TNFAIP8: variants seen among roughly 807,000 people sequenced by gnomAD.
TNFAIP8 encodes TNF alpha induced protein 8.
In TNFAIP8, 7 loss-of-function variants were observed where a neutral mutation model predicts 13.3. That is an observed-to-expected ratio of 0.52 (90% CI 0.30 to 0.99). The LOEUF (loss-of-function observed/expected upper bound fraction) is 0.99, where lower values mean the gene tolerates loss of function less well. Ranked by LOEUF, TNFAIP8 falls within the 50% of genes least tolerant of loss-of-function variation. The pLI, the probability that TNFAIP8 is intolerant of heterozygous loss-of-function variation, is 0.07. For missense variants in TNFAIP8, 258 were observed against 236.9 expected (o/e 1.09, Z -0.58); for synonymous variants, 94 against 87.6 (o/e 1.07, Z -0.41).
At position 119,373,126 on chromosome 5, in the gene TNFAIP8, C is replaced by G. The variant is rs1752150231; in HGVS notation, c.31+17005C>G. Among the ~76,000 whole-genome samples, 2 of 152,100 alleles carry G rather than the reference C, an allele frequency of 1.3e-5. 1 individual carries two copies. Among genetic ancestry groups the G allele is most frequent in the South Asian group, 4.1e-4 (2 of 4,826 alleles). The stretch of plus-strand genomic sequence containing the variant: ...TACAGAAGACACTCAGTCCCTTCAT[C>G]CACCCCAGACACAAAGCTTAATAAC... On this transcript the variant is annotated intron_variant, in intron 1 of 1. Transcript: ENST00000504771.
intron 1 of TNFAIP8, chr5:119,306,724 G>T (rs957499203): frequency 2.6e-5 from 4 of 152,148 alleles, no homozygotes; most frequent in African/African-American, 9.7e-5. Flanking sequence ...CTGTCCCAGT[G>T]ATTATCCAAG....
intron 1 of TNFAIP8, among the ~76,000 whole-genome samples, chr5:119,293,592 A>T (rs1444362673): frequency 6.6e-6 from 1 of 152,166 alleles, no homozygotes; most frequent in East Asian, 1.9e-4. Flanking sequence ...TTTATTCCGG[A>T]TGAGGAAATG....
Position 119,394,261 on chromosome 5 carries a change from A to G in TNFAIP8, c.*880A>G, listed in dbSNP as rs183181844. The G allele has an allele frequency of 6.6e-6, 1 of 152,366 alleles. No homozygotes were observed. Among genetic ancestry groups the G allele is most frequent in the East Asian group, 1.9e-4 (1 of 5,190 alleles). The allele number at this position is 152,366 out of a possible 1,614,324, so 9.4% of individuals were successfully genotyped here. The stretch of plus-strand genomic sequence containing the variant: ...CAATCTTCATTCTACAGATGAACTC[A>G]TTGAAACAATTTAGGGGAATGAGGG... On this transcript the variant is annotated 3_prime_UTR_variant, in exon 2 of 2. Transcript: ENST00000504771.
At chr5:119,338,579 T>A (rs908267659) in intron 1 of TNFAIP8, among the ~76,000 whole-genome samples, 3 of 152,226 alleles carry the variant, frequency 2.0e-5, no homozygotes, top group African/African-American at 7.2e-5. Context: ...GGCAAAAGCA[T>A]TGATCAGTTG....
intron 1 of TNFAIP8, among the ~76,000 whole-genome samples, chr5:119,275,456 G>A (rs578218860): frequency 1.3e-5 from 2 of 152,138 alleles, no homozygotes; most frequent in African/African-American, 2.4e-5. Flanking sequence ...CGCATGTTTG[G>A]AAGAGCACGG....
intron 1 of TNFAIP8, among the ~76,000 whole-genome samples, chr5:119,369,036 C>CTTTCT (rs757688779): frequency 1.0e-4 from 15 of 148,778 alleles, no homozygotes; most frequent in Admixed American, 1.3e-4. Flanking sequence ...ATAAGCCAAA[C>CTTTCT]TTTCTTTTCT....
intron 1 of TNFAIP8, among the ~76,000 whole-genome samples, chr5:119,377,024 G>T (rs1015878479): frequency 1.3e-5 from 2 of 152,078 alleles, no homozygotes; most frequent in Non-Finnish European, 2.9e-5. Context: ...TTGTTTGTTT[G>T]TTTATATATT....
intron 1 of TNFAIP8, among the ~76,000 whole-genome samples, chr5:119,336,678 T>G (rs944582058): frequency 6.6e-6 from 1 of 152,204 alleles, no homozygotes; most frequent in African/African-American, 2.4e-5. Flanking sequence ...TATTTCTTAT[T>G]TGCATTCATT....
chr5:119,290,811 T>G (rs979946092), intron 1 of TNFAIP8, among the ~76,000 whole-genome samples: 7 of 152,046 alleles, frequency 4.6e-5, no homozygotes, highest in African/African-American at 9.7e-5. Flanking sequence ...TTGGCTGAGA[T>G]AGGGCATCAG....
intron 1 of TNFAIP8, among the ~76,000 whole-genome samples, chr5:119,290,458 A>G (rs1748945166): frequency 6.6e-6 from 1 of 152,172 alleles, no homozygotes; most frequent in African/African-American, 2.4e-5. Flanking sequence ...ACCTCTTCAC[A>G]GGTTTATTGG....
chr5:119,328,235 A>C (rs924683945), intron 1 of TNFAIP8, among the ~76,000 whole-genome samples: 1 of 152,104 alleles, frequency 6.6e-6, no homozygotes, highest in Non-Finnish European at 1.5e-5. Flanking sequence ...CTGACCCTCA[A>C]CCCTTGCCCT....
At chr5:119,362,341 G>C (rs1259989277) in intron 1 of TNFAIP8, among the ~76,000 whole-genome samples, 1 of 152,152 alleles carries the variant, frequency 6.6e-6, no homozygotes, top group Admixed American at 6.5e-5. Flanking sequence ...GTGGTACATG[G>C]GGCCAGTCTA....
chr5:119,297,992 A>G (rs1272134880), intron 1 of TNFAIP8, among the ~76,000 whole-genome samples: 2,014 of 152,234 alleles, frequency 0.013, 45 homozygotes, highest in African/African-American at 0.047. Context: ...TTTTGAGCCT[A>G]TGTGTGTCTC....
intron 1 of TNFAIP8, among the ~76,000 whole-genome samples, chr5:119,324,274 C>CAAAAAAAAAAA (rs56104829): frequency 2.2e-4 from 17 of 77,668 alleles, no homozygotes; most frequent in African/African-American, 3.9e-4. Flanking sequence ...GACGCCATCT[C>CAAAAAAAAAAA]AAAAAAAAAA....
chr5:119,371,839 T>A (rs529600922), intron 1 of TNFAIP8, among the ~76,000 whole-genome samples: 113 of 151,976 alleles, frequency 7.4e-4, no homozygotes, highest in Non-Finnish European at 8.4e-4. Context: ...CGGGGCAACA[T>A]GGCAAAACCC....
At chr5:119,336,096 G>C (rs2112716445) in intron 1 of TNFAIP8, among the ~76,000 whole-genome samples, 1 of 152,296 alleles carries the variant, frequency 6.6e-6, no homozygotes, top group African/African-American at 2.4e-5. Flanking sequence ...TTAAGGGAGG[G>C]GGAGAGATGA....
chr5:119,361,402 T>C (rs1261054454), intron 1 of TNFAIP8, among the ~76,000 whole-genome samples: 1 of 152,184 alleles, frequency 6.6e-6, no homozygotes, highest in Non-Finnish European at 1.5e-5. Flanking sequence ...ATCTGTAAGA[T>C]TGAGTAAAGC....
chr5:119,353,905 C>G (rs1252816920), upstream of TNFAIP8, among the ~76,000 whole-genome samples: 1 of 152,138 alleles, frequency 6.6e-6, no homozygotes, highest in Non-Finnish European at 1.5e-5. Flanking sequence ...TTGCTTTACC[C>G]CAATTATAGA....
At chr5:119,379,300 T>C (rs577998979) in intron 1 of TNFAIP8, among the ~76,000 whole-genome samples, 7 of 152,186 alleles carry the variant, frequency 4.6e-5, no homozygotes, top group South Asian at 2.1e-4. Flanking sequence ...CTTTGAACAA[T>C]ACAGAGATGA....
Sources: gnomAD v4.1 joint callset for allele counts (sites outside exome capture counted in the v4.1 genomes callset) on GRCh38, gnomAD v4.1.1 for gene constraint, MANE v1.5 for transcripts, NCBI Gene and HGNC (gene_info 2026-07-23, HGNC 2026-07-21) for gene names.